The following SF3B4 variants were observed in gnomAD, a reference collection of about 807,000 sequenced individuals.
SF3B4 encodes splicing factor 3b subunit 4.
Under a neutral mutation model 34.3 loss-of-function variants are expected in SF3B4, and 3 were observed. The ratio of observed to expected loss-of-function variants is 0.09; its 90% CI spans 0.04 to 0.23. The LOEUF (loss-of-function observed/expected upper bound fraction) is 0.23. SF3B4 is among the 10% of genes least tolerant of loss of function. SF3B4 has a pLI of 1.00. For synonymous variants in SF3B4, 216 were observed against 207.8 expected (o/e 1.04, Z -0.34); for missense variants, 283 against 567.2 (o/e 0.50, Z 5.09).
rs1203890252 is a variant in SF3B4 at position 149,927,706 on chromosome 1, G to A, written c.34+20C>T. On this transcript the variant is annotated intron_variant, in intron 1 of 5. Transcript: ENST00000271628. ...TCCTAGCCACGCTGAGCCCATTCCA[G>A]ACTTTCCCCCTCCAGTTACCCTGAT... 1.9e-6 allele frequency: 3 copies of A among 1,552,312 alleles called. No homozygotes were observed. In the African/African-American group the frequency reaches 4.1e-5, roughly 21 times the overall value.
Position 149,923,648 on chromosome 1 carries a change from C to T in SF3B4, c.1169G>A (p.Arg390Gln). ...MPPHGYTGPP[R>Q]PPPYGYQRGP... ...CCGCTGGTAGCCATAGGGTGGGGGT[C>T]GTGGAGGGCCAGTGTATCCATGGGG... The change falls in exon 6 of 6, where the codon CGA (arginine) becomes CAA (glutamine). Residue 390 changes from arginine to glutamine, a missense_variant. Transcript: ENST00000271628. 3 of 1,523,082 alleles carry T rather than the reference C, an allele frequency of 2.0e-6. No individual in the cohort carries two copies. The highest frequency in any genetic ancestry group is 2.6e-6 in the Non-Finnish European group (3 of 1,147,810). The allele number at this position is 1,523,082 out of a possible 1,614,324, so 94.3% of individuals were successfully genotyped here. A position where few individuals can be genotyped will look rare whatever the true frequency, so the allele number is the denominator to read the frequency against.
At chr1:149,924,142 A>G in intron 4 of SF3B4, 128 bp from the exon 5 acceptor site, 1 of 837,236 alleles carries the variant, frequency 1.2e-6, no homozygotes, top group South Asian at 1.8e-5. Flanking sequence ...AAAAAAGGGT[A>G]TAGAAAATAA....
At chr1:149,924,995 G>A (rs1333723134) in intron 4 of SF3B4, among the ~76,000 whole-genome samples, 2 of 152,200 alleles carry the variant, frequency 1.3e-5, no homozygotes, top group Non-Finnish European at 2.9e-5. Flanking sequence ...CAAAGTTAGG[G>A]AAAACTGGAG....
chr1:149,927,497 G>GT (rs1358615963), intron 1 of SF3B4: 7 of 750,724 alleles, frequency 9.3e-6, no homozygotes, highest in African/African-American at 8.8e-5. Flanking sequence ...TTGTGAGTGG[G>GT]TTTTTTTGAT....
chr1:149,924,105 A>G, intron 4 of SF3B4, 91 bp from the exon 5 acceptor site: 1 of 1,109,856 alleles, frequency 9.0e-7, no homozygotes, highest in Non-Finnish European at 1.3e-6. Context: ...TTAGAAAGAA[A>G]GTGACATCAG....
intron 1 of SF3B4, 151 bp downstream of exon 1, chr1:149,927,575 G>A: frequency 2.7e-5 from 28 of 1,050,418 alleles, no homozygotes; most frequent in Non-Finnish European, 3.7e-5. Context: ...GCCAGCACCC[G>A]GCCACCCCGC....
chr1:149,926,050 G>A lies in SF3B4; in HGVS notation c.707-8C>T, dbSNP rs371485646. On this transcript the variant is annotated splice_polypyrimidine_tract_variant and splice_region_variant and intron_variant, in intron 3 of 5. Coordinates refer to ENST00000271628, the MANE Select transcript of SF3B4 (RefSeq NM_005850.5). The surrounding 1 kb of genome is among the most constrained non-coding windows in gnomAD (Gnocchi z 6.2). ...AGCCAGGAGGAGGCATGCCTATAGA[G>A]GAAATGGAAAAAGGAAGAGTTAATG... The A allele has an allele frequency of 1.6e-4, 222 of 1,419,202 alleles. No homozygotes were observed. In the Middle Eastern group the frequency reaches 1.7e-3, roughly 11 times the overall value. 87.9% of individuals were successfully genotyped at this position (1,419,202 alleles called of 1,614,324 possible).
rs1173522781 is a variant in SF3B4 at position 149,927,397 on chromosome 1, C to T, written c.35-103G>A. 10 of 1,410,990 alleles carry T rather than the reference C, an allele frequency of 7.1e-6. No individual in the cohort carries two copies. The African/African-American group carries it at 1.3e-4, about 18-fold the overall frequency. 87.4% of individuals were successfully genotyped at this position (1,410,990 alleles called of 1,614,324 possible). ...ACCCAACCAGGGGAACTGGGGACCG[C>T]GGTAGGGGACAGGAGCAAAAAAAAA... On this transcript the variant is annotated intron_variant, in intron 1 of 5. Coordinates refer to ENST00000271628, the MANE Select transcript of SF3B4 (RefSeq NM_005850.5).
In SF3B4 at chr1:149,923,795, A is replaced by C. The variant is rs2092570216; in HGVS notation, c.1087+46T>G. On this transcript the variant is annotated intron_variant, in intron 5 of 5. Coordinates refer to ENST00000271628, the MANE Select transcript of SF3B4 (RefSeq NM_005850.5). ...AGGGGTGTGCCTACAGGAAGCTGTA[A>C]GAACATGATAAGTGCAGATGAGGGA... 5 of 1,535,796 alleles carry C rather than the reference A, an allele frequency of 3.3e-6. No individual in the cohort carries two copies. In the Admixed American group the frequency reaches 7.0e-5, roughly 21 times the overall value.
intron 1 of SF3B4, 42 bp from the exon 2 acceptor site, chr1:149,927,336 C>A (rs1553766176): frequency 2.5e-6 from 4 of 1,605,324 alleles, no homozygotes; most frequent in Non-Finnish European, 2.5e-6. Context: ...GAGAGTGTAA[C>A]GGGAAGGAAG....
At position 149,927,532 on chromosome 1, in the gene SF3B4, GACCGGACTTAAGTATC is replaced by G. The variant is rs1323535030; in HGVS notation, c.34+178_34+193del. 3.5e-5 allele frequency: 26 copies of G among 752,308 alleles called. No homozygotes were observed. The Middle Eastern group carries it at 1.1e-3, about 32-fold the overall frequency. The allele number at this position is 752,308 out of a possible 1,614,324, so 46.6% of individuals were successfully genotyped here. On this transcript the variant is annotated intron_variant, in intron 1 of 5. Coordinates refer to ENST00000271628, the MANE Select transcript of SF3B4 (RefSeq NM_005850.5). ...TTTTTTGAGTGAGAAGTCAGCAGGG[GACCGGACTTAAGTATC>G]ACACCCAGAGGCCTCAGCCAGCACC...
Position 149,926,026 on chromosome 1 carries a change from G to T in SF3B4, c.723C>A (p.Gly241=). The T allele has an allele frequency of 6.7e-7, 1 of 1,497,316 alleles. No individual in the cohort carries two copies. Among genetic ancestry groups the T allele is most frequent in the Non-Finnish European group, 8.9e-7 (1 of 1,118,160 alleles). The allele number at this position is 1,497,316 out of a possible 1,614,324, so 92.8% of individuals were successfully genotyped here. A position where few individuals can be genotyped will look rare whatever the true frequency, so the allele number is the denominator to read the frequency against. The change falls in exon 4 of 6, where the codon GGC becomes GGA. Residue 241 remains glycine (G), a synonymous_variant. Transcript: ENST00000271628. The surrounding 1 kb of genome is among the most constrained non-coding windows in gnomAD (Gnocchi z 6.2). ...GAGGTGGCACTGGGGGTGGGAAGGA[G>T]CCAGGAGGAGGCATGCCTATAGAGG... is the stretch of plus-strand genomic sequence containing the variant. ...GLPPPGMPPP[G]SFPPPVPPPG...
In SF3B4 at chr1:149,926,773, G is replaced by A. The variant is rs781832785; in HGVS notation, c.309C>T (p.Phe103=). Residue 103 remains phenylalanine, a synonymous_variant, in exon 3 of 6, where the codon TTC becomes TTT. Coordinates refer to ENST00000271628, the MANE Select transcript of SF3B4 (RefSeq NM_005850.5). This position sits in a 1 kb window ranked among gnomAD's most constrained non-coding sequence, Gnocchi z 6.2. ...CAATCTCAGGGTCCAGGTTCCCAAT[G>A]AAAATGTTGGCCCCTACATCCAGGT... The part of the protein sequence containing the change: ...NKNLDVGANI[F]IGNLDPEIDE... 4 of 1,614,182 alleles carry A rather than the reference G, an allele frequency of 2.5e-6. No homozygotes were observed. In the South Asian group the frequency reaches 4.4e-5, roughly 18 times the overall value.
At chr1:149,925,782 AAC>A in intron 4 of SF3B4, 52 bp downstream of exon 4, 1 of 1,355,078 alleles carries the variant, frequency 7.4e-7, no homozygotes. Flanking sequence ...GGTGAGTGGT[AAC>A]AGAGATGCTC....
rs587675943 is a variant in SF3B4, at chr1:149,927,791, G to A, written c.-32C>T. 8.1e-5 allele frequency: 126 copies of A among 1,551,792 alleles called. No individual in the cohort carries two copies. The Middle Eastern group carries it at 1.5e-3, about 18-fold the overall frequency. ...AGAGATCCCGCCGTCTCCCAGCAGC[G>A]GTTCCGCCTTCTGACCTCAGCACGA... On this transcript the variant is annotated 5_prime_UTR_variant, in exon 1 of 6. Transcript: ENST00000271628.
Position 149,927,149 on chromosome 1 carries a change from C to T in SF3B4, c.163+17G>A. 1 of 1,612,506 alleles carries T rather than the reference C, an allele frequency of 6.2e-7. No individual in the cohort carries two copies. Among genetic ancestry groups the T allele is most frequent in the Non-Finnish European group, 8.5e-7 (1 of 1,179,492 alleles). On this transcript the variant is annotated intron_variant, in intron 2 of 5. Coordinates refer to ENST00000271628, the MANE Select transcript of SF3B4 (RefSeq NM_005850.5). Reference sequence around the variant, plus strand: ...TGGGACCCTCCGGGAGCAATTCGCCCCTTGTCATGTACTCACCTTGGTGCT... The same window carrying T: ...TGGGACCCTCCGGGAGCAATTCGCCTCTTGTCATGTACTCACCTTGGTGCT...
At position 149,923,893 on chromosome 1, in the gene SF3B4, T is replaced by C; in HGVS notation, c.1035A>G (p.Gly345=). ...PRPPPGMPHP[G]PPPMGMPPRG... ...GGGGGGGCATGCCCATTGGAGGAGG[T>C]CCAGGATGAGGCATTCCAGGTGGTG... is the stretch of plus-strand genomic sequence containing the variant. Residue 345 remains glycine (G), a synonymous_variant, in exon 5 of 6, where the codon GGA becomes GGG. Coordinates refer to ENST00000271628, the MANE Select transcript of SF3B4 (RefSeq NM_005850.5). 1 of 1,604,592 alleles carries C rather than the reference T, an allele frequency of 6.2e-7. No homozygotes were observed. The highest frequency in any genetic ancestry group is 8.5e-7 in the Non-Finnish European group (1 of 1,177,130).
intron 4 of SF3B4, 61 bp from the exon 5 acceptor site, chr1:149,924,075 G>T: frequency 7.3e-7 from 1 of 1,371,378 alleles, no homozygotes; most frequent in Non-Finnish European, 9.8e-7. Flanking sequence ...AAAGAAAATA[G>T]AGAAAGGAAG....
chr1:149,924,944 G>A (rs1553765772), intron 4 of SF3B4, among the ~76,000 whole-genome samples: 1 of 151,868 alleles, frequency 6.6e-6, no homozygotes, highest in African/African-American at 2.4e-5. Context: ...GCAAGTGTGT[G>A]CACATCTGTG....
Sources: allele counts gnomAD v4.1 joint callset (sites outside exome capture counted in the v4.1 genomes callset), GRCh38; gene constraint gnomAD v4.1.1; non-coding constraint Gnocchi (gnomAD v3.1); transcripts MANE v1.5; gene names NCBI Gene and HGNC (gene_info 2026-07-23, HGNC 2026-07-21).